Variants in FAAH observed in about 807,000 individuals in gnomAD.
FAAH encodes fatty-acid amide hydrolase 1.
FAAH carries 63 observed loss-of-function variants against 69.7 expected under a neutral mutation model. That is an observed-to-expected ratio of 0.90 (90% CI 0.74 to 1.12). The LOEUF (loss-of-function observed/expected upper bound fraction) is 1.12. Among genes scored for constraint, FAAH ranks in the 50% most tolerant of loss-of-function variants. The pLI, the probability that FAAH is intolerant of heterozygous loss-of-function variation, is 0.00. For missense variants in FAAH, 680 were observed against 755.0 expected, an observed-to-expected ratio of 0.90 and a Z score of 1.16; for synonymous variants, 305 against 324.2, an observed-to-expected ratio of 0.94 and a Z score of 0.64.
rs1398134148 is a variant in FAAH at position 46,406,338 on chromosome 1, C to T, written c.921C>T (p.Pro307=). ...LLCEDMFRLD[P]TVPPLPFREE... is the part of the protein sequence containing the mutation. ...GTGAGGACATGTTCCGCTTGGACCCCACTGTGCCTCCCTTGCCCTTCAGAG... is the reference window on the plus strand; with the variant it reads ...GTGAGGACATGTTCCGCTTGGACCCTACTGTGCCTCCCTTGCCCTTCAGAG... Residue 307 remains proline (P), a synonymous_variant, in exon 7 of 15, where the codon CCC becomes CCT. Transcript: ENST00000243167. 6.8e-6 allele frequency: 11 copies of T among 1,613,998 alleles called. No individual in the cohort carries two copies. The highest frequency in any genetic ancestry group is 8.5e-6 in the Non-Finnish European group (10 of 1,180,046).
chr1:46,397,896 A>G (rs1304181716), intron 1 of FAAH, among the ~76,000 whole-genome samples: 1 of 148,198 alleles, frequency 6.7e-6, no homozygotes, highest in African/African-American at 2.5e-5. Flanking sequence ...TTTAGTATAA[A>G]CGGTTTCGTC....
At chr1:46,412,985 G>A (rs1664943586) in intron 13 of FAAH, 90 bp from the exon 14 acceptor site, 5 of 1,481,524 alleles carry the variant, frequency 3.4e-6, no homozygotes. Flanking sequence ...TGTAGACACA[G>A]GGTGCCATTT....
chr1:46,398,969 G>A (rs1466938466), intron 1 of FAAH, among the ~76,000 whole-genome samples: 4 of 149,010 alleles, frequency 2.7e-5, no homozygotes, highest in Non-Finnish European at 6.0e-5. Flanking sequence ...TAATTCTGTT[G>A]ACGCTTCACC....
In FAAH at chr1:46,404,274, C is replaced by T. The variant is rs1664753203; in HGVS notation, c.310-740C>T. ...CCCCGGGGACAGATTTTGCACATGC[C>T]TGAATATGGCAACACAGCCCACCCT... On this transcript the variant is annotated intron_variant, in intron 2 of 14. Coordinates refer to ENST00000243167, the MANE Select transcript of FAAH (RefSeq NM_001441.3). The surrounding 1 kb of genome is among the most constrained non-coding windows in gnomAD (Gnocchi z 4.5). Among the ~76,000 whole-genome samples the T allele has an allele frequency of 6.6e-6, 1 of 152,192 alleles. No individual in the cohort carries two copies. The highest frequency in any genetic ancestry group is 1.5e-5 in the Non-Finnish European group (1 of 68,032).
At chr1:46,407,301 A>G (rs1664817469) in intron 7 of FAAH, among the ~76,000 whole-genome samples, 1 of 152,012 alleles carries the variant, frequency 6.6e-6, no homozygotes, top group Admixed American at 6.5e-5. Flanking sequence ...ATCTTTCAAC[A>G]TGGGGGTTGG....
chr1:46,412,667 T>C lies in FAAH; in HGVS notation c.1466-408T>C, dbSNP rs75557136. On this transcript the variant is annotated intron_variant, in intron 13 of 14. Transcript: ENST00000243167. ...TGCTACAAAAAATAGAAAAATTAGC[T>C]GGGTGTGGTTGCATGTTCCTGTAGT... Among the ~76,000 whole-genome samples, 297 of 152,044 alleles carry C rather than the reference T, an allele frequency of 2.0e-3. 5 individuals are homozygous for C. The Middle Eastern group carries it at 0.037, about 19-fold the overall frequency.
intron 8 of FAAH, 124 bp from the exon 9 acceptor site, chr1:46,408,977 G>C (rs1664850420): frequency 7.6e-6 from 6 of 790,758 alleles, no homozygotes; most frequent in Non-Finnish European, 1.1e-5. Context: ...TGCCTTTGTA[G>C]CTCTAGTGAG....
intron 1 of FAAH, among the ~76,000 whole-genome samples, chr1:46,397,260 C>T (rs774432601): frequency 2.6e-5 from 4 of 152,252 alleles, no homozygotes; most frequent in Non-Finnish European, 5.9e-5. Flanking sequence ...GCAAGGAATC[C>T]ACCTGGCTGG....
intron 1 of FAAH, among the ~76,000 whole-genome samples, chr1:46,394,931 GTTTTTTGTTT>G (rs1307082449): frequency 1.4e-5 from 2 of 142,468 alleles, no homozygotes. Flanking sequence ...TTAGAGTTTT[GTTTTTTGTTT>G]TTTTTTGTTT....
At chr1:46,412,349 C>CAGGGT in intron 13 of FAAH, 98 bp downstream of exon 13, 2 of 1,036,880 alleles carry the variant, frequency 1.9e-6, no homozygotes, top group Non-Finnish European at 2.9e-6. Context: ...GAGGACCCTG[C>CAGGGT]CCTCTCGGGG....
chr1:46,394,329 A>G lies in FAAH; in HGVS notation c.-20A>G. On this transcript the variant is annotated 5_prime_UTR_variant, in exon 1 of 15. Transcript: ENST00000243167. ...GGCGGCTTCAACTGTCGCGGTAGGCAGCAGCAGGCTGAAGGGATCATGGTG... is the reference window on the plus strand; with the variant it reads ...GGCGGCTTCAACTGTCGCGGTAGGCGGCAGCAGGCTGAAGGGATCATGGTG... The G allele has an allele frequency of 6.5e-7, 1 of 1,550,158 alleles. No individual in the cohort carries two copies. Among genetic ancestry groups the G allele is most frequent in the African/African-American group, 1.4e-5 (1 of 70,882 alleles).
intron 1 of FAAH, among the ~76,000 whole-genome samples, chr1:46,400,808 CAGGGT>C (rs1664685206): frequency 1.9e-5 from 1 of 51,460 alleles, no homozygotes; most frequent in Non-Finnish European, 3.5e-5. Flanking sequence ...GAGTGGAAGC[CAGGGT>C]AGGGGAGGAG....
At chr1:46,399,951 C>T (rs917301176) in intron 1 of FAAH, among the ~76,000 whole-genome samples, 4 of 151,990 alleles carry the variant, frequency 2.6e-5, no homozygotes, top group Admixed American at 1.3e-4. Flanking sequence ...AGGGAATGCT[C>T]ACTTTTCATT....
intron 1 of FAAH, among the ~76,000 whole-genome samples, chr1:46,401,677 A>G (rs571038416): frequency 6.6e-6 from 1 of 152,298 alleles, no homozygotes; most frequent in Non-Finnish European, 1.5e-5. Flanking sequence ...AGACTTAATC[A>G]AAACATGGAT....
In FAAH at chr1:46,405,669, T is replaced by C; in HGVS notation, c.660T>C (p.Gly220=). ...AAAGCCCAGGGGGCTCCTCAGGGGG[T>C]GAAGGGGCCCTCATCGGGTCTGGAG... ...SSKSPGGSSG[G]EGALIGSGGS... Residue 220 remains glycine (G), a synonymous_variant, in exon 5 of 15, where the codon GGT becomes GGC. Transcript: ENST00000243167. The surrounding 1 kb of genome is among the most constrained non-coding windows in gnomAD (Gnocchi z 4.1). 2 of 1,613,348 alleles carry C rather than the reference T, an allele frequency of 1.2e-6. No individual in the cohort carries two copies. Among genetic ancestry groups the C allele is most frequent in the African/African-American group, 1.3e-5 (1 of 75,008 alleles).
intron 9 of FAAH, 43 bp downstream of exon 9, chr1:46,409,241 G>A (rs1664857024): frequency 2.7e-6 from 4 of 1,492,862 alleles, no homozygotes; most frequent in South Asian, 1.1e-5. Flanking sequence ...GATCAGACAA[G>A]TAGGCAGACC....
intron 1 of FAAH, among the ~76,000 whole-genome samples, chr1:46,398,899 AC>A (rs779703142): frequency 9.2e-5 from 14 of 152,296 alleles, no homozygotes; most frequent in Non-Finnish European, 1.6e-4. Flanking sequence ...CTGAATTTTC[AC>A]AAAATAGTTC....
chr1:46,394,638 G>A (rs1404755500), intron 1 of FAAH, 95 bp downstream of exon 1: 2 of 1,084,974 alleles, frequency 1.8e-6, no homozygotes, highest in African/African-American at 1.6e-5. Context: ...GGGATGGGGC[G>A]GGCAGAGCAG....
At chr1:46,409,245 G>A in intron 9 of FAAH, 47 bp downstream of exon 9, 10 of 1,449,888 alleles carry the variant, frequency 6.9e-6, no homozygotes, top group Non-Finnish European at 9.7e-6. Context: ...AGACAAGTAG[G>A]CAGACCTGGG....
Sources: gnomAD v4.1 joint callset for allele counts (sites outside exome capture counted in the v4.1 genomes callset) on GRCh38, gnomAD v4.1.1 for gene constraint, Gnocchi (gnomAD v3.1) non-coding constraint, MANE v1.5 for transcripts, NCBI Gene and HGNC (gene_info 2026-07-23, HGNC 2026-07-21) for gene names.